NKAIN3: variants seen among roughly 807,000 people sequenced by gnomAD.
NKAIN3 encodes the protein sodium/potassium transporting ATPase interacting 3.
A neutral mutation model predicts 30.2 loss-of-function variants in NKAIN3; 25 were observed. The observed-to-expected ratio is 0.83, with a 90% CI of 0.60 to 1.16. The LOEUF (loss-of-function observed/expected upper bound fraction) is 1.16, where lower values mean the gene tolerates loss of function less well. NKAIN3 is among the 50% of genes most tolerant of loss of function. The pLI is 0.00. For synonymous variants in NKAIN3, 91 were observed against 89.6 expected (o/e 1.02, Z -0.09); for missense variants, 225 against 254.1 (o/e 0.89, Z 0.78).
intron 1 of NKAIN3, among the ~76,000 whole-genome samples, chr8:62,376,402 C>T (rs895010305): frequency 6.6e-6 from 1 of 152,196 alleles, no homozygotes. Context: ...ACTTGTACAT[C>T]TCCATCTATT....
At chr8:62,542,480 A>G (rs1379608125) in intron 1 of NKAIN3, among the ~76,000 whole-genome samples, 3 of 152,214 alleles carry the variant, frequency 2.0e-5, no homozygotes, top group Non-Finnish European at 4.4e-5. Flanking sequence ...AGAACAAAGT[A>G]TACTCAGAAT....
At chr8:62,964,854 A>G (rs1823663682) in intron 6 of NKAIN3, among the ~76,000 whole-genome samples, 1 of 152,156 alleles carries the variant, frequency 6.6e-6, no homozygotes, top group Admixed American at 6.5e-5. Flanking sequence ...CTGAAGTTTT[A>G]CCAAACATCT....
At chr8:62,476,271 A>G (rs143856429) in intron 1 of NKAIN3, among the ~76,000 whole-genome samples, 83 of 152,296 alleles carry the variant, frequency 5.4e-4, no homozygotes, top group African/African-American at 2.0e-3. Context: ...AAGATAGCAC[A>G]TTGTTCATCT....
intron 5 of NKAIN3, among the ~76,000 whole-genome samples, chr8:62,948,908 A>G (rs1385996248): frequency 6.6e-6 from 1 of 152,228 alleles, no homozygotes; most frequent in Admixed American, 6.5e-5. Flanking sequence ...AGAGATATGC[A>G]TAAACGTACA....
At chr8:62,859,105 G>T (rs1820158545) in intron 4 of NKAIN3, among the ~76,000 whole-genome samples, 1 of 152,208 alleles carries the variant, frequency 6.6e-6, no homozygotes, top group Non-Finnish European at 1.5e-5. Context: ...TCCGCAGGTT[G>T]CAAAGATCTG....
intron 2 of NKAIN3, 28 bp downstream of exon 2, chr8:62,579,704 C>A (rs1238828200): frequency 2.3e-6 from 3 of 1,314,448 alleles, no homozygotes; most frequent in East Asian, 2.7e-5. Context: ...CATTTTGCTT[C>A]ATATAAACAA....
At chr8:62,318,068 G>T (rs1252378213) in intron 1 of NKAIN3, among the ~76,000 whole-genome samples, 2 of 152,048 alleles carry the variant, frequency 1.3e-5, no homozygotes, top group African/African-American at 4.8e-5. Context: ...TCATGATTTG[G>T]CTCTCTGTTT....
chr8:62,960,666 T>A (rs926319154), intron 6 of NKAIN3, among the ~76,000 whole-genome samples: 1 of 150,536 alleles, frequency 6.6e-6, no homozygotes, highest in African/African-American at 2.5e-5. Flanking sequence ...AAATTTATAA[T>A]CCCCATATTA....
intron 3 of NKAIN3, among the ~76,000 whole-genome samples, chr8:62,654,371 G>A (rs1162992865): frequency 6.6e-6 from 1 of 152,022 alleles, no homozygotes; most frequent in African/African-American, 2.4e-5. Flanking sequence ...AAAAAGGCAA[G>A]CAGAAAATAA....
chr8:62,331,146 C>T (rs1355860010), intron 1 of NKAIN3, among the ~76,000 whole-genome samples: 2 of 146,318 alleles, frequency 1.4e-5, no homozygotes, highest in African/African-American at 5.1e-5. Context: ...TCCTCTTCCA[C>T]CCCCTCTTCC....
chr8:62,368,222 T>C (rs2351665), intron 1 of NKAIN3, among the ~76,000 whole-genome samples: 147,607 of 152,272 alleles, frequency 0.97, 71,600 homozygotes, highest in East Asian at 1. Context: ...AAAGAACACT[T>C]CTAAAATTCA....
chr8:62,336,249 C>G (rs191901941), intron 1 of NKAIN3, among the ~76,000 whole-genome samples: 5 of 152,134 alleles, frequency 3.3e-5, no homozygotes, highest in African/African-American at 1.2e-4. Flanking sequence ...AAAATTTCTT[C>G]TTTGGCTTAT....
chr8:62,737,726 C>A (rs1428863380), intron 3 of NKAIN3, among the ~76,000 whole-genome samples: 1 of 152,112 alleles, frequency 6.6e-6, no homozygotes, highest in Non-Finnish European at 1.5e-5. Context: ...TTTTTTTAGT[C>A]AGAATTGTGT....
chr8:62,707,199 GTA>G (rs142039754), intron 3 of NKAIN3, among the ~76,000 whole-genome samples: 1,886 of 152,144 alleles, frequency 0.012, 16 homozygotes, highest in Non-Finnish European at 0.02. Flanking sequence ...GTGTGTGCAA[GTA>G]TCTTTTTCAA....
intron 1 of NKAIN3, among the ~76,000 whole-genome samples, chr8:62,493,066 T>A (rs1019592249): frequency 6.6e-6 from 1 of 152,170 alleles, no homozygotes; most frequent in Non-Finnish European, 1.5e-5. Context: ...ATCCCATTTG[T>A]TAATGCTTGC....
chr8:62,373,215 A>G (rs997009641), intron 1 of NKAIN3, among the ~76,000 whole-genome samples: 1 of 152,172 alleles, frequency 6.6e-6, no homozygotes, highest in African/African-American at 2.4e-5. Flanking sequence ...ACTCTAAAAG[A>G]CTGCCAAATT....
intron 4 of NKAIN3, among the ~76,000 whole-genome samples, chr8:62,858,246 G>T (rs748342908): frequency 1.3e-5 from 2 of 151,568 alleles, no homozygotes; most frequent in African/African-American, 2.4e-5. Context: ...TCCATCCCGG[G>T]GGGTACGGAC....
intron 1 of NKAIN3, among the ~76,000 whole-genome samples, chr8:62,318,782 G>A (rs1458570499): frequency 1.3e-5 from 2 of 152,086 alleles, no homozygotes; most frequent in African/African-American, 2.4e-5. Flanking sequence ...AGGGATGTTG[G>A]TCTAAAATTC....
intron 1 of NKAIN3, among the ~76,000 whole-genome samples, chr8:62,497,360 A>G (rs1305892623): frequency 6.6e-6 from 1 of 152,112 alleles, no homozygotes; most frequent in African/African-American, 2.4e-5. Flanking sequence ...TCTTATCAGT[A>G]GAAACAATGA....
Sources: allele counts gnomAD v4.1 joint callset (sites outside exome capture counted in the v4.1 genomes callset), GRCh38; gene constraint gnomAD v4.1.1; transcripts MANE v1.5; gene names NCBI Gene and HGNC (gene_info 2026-07-23, HGNC 2026-07-21).